The following JOSD2 variants were observed in gnomAD, a reference collection of about 807,000 sequenced individuals.
The protein encoded by JOSD2 is Josephin domain containing 2, also known as josephin-2.
Under a neutral mutation model 19.3 loss-of-function variants are expected in JOSD2, and 20 were observed. The observed-to-expected ratio is 1.04, with a 90% CI of 0.73 to 1.51. The LOEUF (loss-of-function observed/expected upper bound fraction) is 1.51. Among genes scored for constraint, JOSD2 ranks in the 40% most tolerant of loss-of-function variants. The pLI, the probability that JOSD2 is intolerant of heterozygous loss-of-function variation, is 0.00. For missense variants in JOSD2, 215 were observed against 250.4 expected (o/e 0.86, Z 0.95); for synonymous variants, 118 against 123.7 (o/e 0.95, Z 0.31).
chr19:50,507,508 C>T, intron 3 of JOSD2, 66 bp downstream of exon 3: 1 of 1,514,458 alleles, frequency 6.6e-7, no homozygotes, highest in Non-Finnish European at 8.8e-7. Context: ...TGCCCCCCAA[C>T]AGGCTCACAC....
intron 3 of JOSD2, among the ~76,000 whole-genome samples, 160 bp downstream of exon 3, chr19:50,507,414 C>T (rs1020932709): frequency 3.3e-5 from 5 of 151,986 alleles, no homozygotes; most frequent in African/African-American, 9.7e-5. Flanking sequence ...CTCAGCCCAT[C>T]GACCACCTGA....
rs1979680673 is a variant in JOSD2, at chr19:50,510,130, G to A, written c.146+156C>T. On this transcript the variant is annotated intron_variant, in intron 2 of 4. Transcript: ENST00000598418. ...GCCACAGGGACAGACAGGCACAGGAGGCAACATCTCCCCAGAGTCCCAGCG... is the reference window on the plus strand; with the variant it reads ...GCCACAGGGACAGACAGGCACAGGAAGCAACATCTCCCCAGAGTCCCAGCG... 3.9e-6 allele frequency: 3 copies of A among 771,176 alleles called. No homozygotes were observed. The East Asian group carries it at 8.2e-5, about 21-fold the overall frequency. 47.8% of individuals were successfully genotyped at this position (771,176 alleles called of 1,614,324 possible).
chr19:50,510,847 A>G (rs1159071535), intron 1 of JOSD2, among the ~76,000 whole-genome samples: 1 of 151,668 alleles, frequency 6.6e-6, no homozygotes, highest in East Asian at 1.9e-4. Context: ...AGCACCTAGC[A>G]ATAGAGAATC....
At chr19:50,510,522 G>T in intron 1 of JOSD2, 74 bp from the exon 2 acceptor site, 1 of 1,399,720 alleles carries the variant, frequency 7.1e-7, no homozygotes, top group Non-Finnish European at 9.6e-7. Context: ...AGGCCTTTGG[G>T]GCATCGCCAT....
At chr19:50,506,991 C>T (rs572702774) in intron 3 of JOSD2, among the ~76,000 whole-genome samples, 22 of 150,952 alleles carry the variant, frequency 1.5e-4, no homozygotes, top group Non-Finnish European at 3.0e-4. Context: ...CACACACTCA[C>T]CTCCCATCTA....
chr19:50,510,041 G>T, intron 2 of JOSD2: 1 of 222,210 alleles, frequency 4.5e-6, no homozygotes, highest in Non-Finnish European at 7.5e-6. Flanking sequence ...AACAGAGTGA[G>T]ACTCAGTCTC....
chr19:50,508,152 TCTCCCATGGCTCCCCAATGC>T (rs1473048705), intron 2 of JOSD2: 3 of 209,380 alleles, frequency 1.4e-5, no homozygotes, highest in African/African-American at 7.0e-5. Flanking sequence ...TGCTCTCAGC[TCTCCCATGGCTCCCCAATGC>T]CTTGGACAAA....
rs1979707976 is a variant in JOSD2, at chr19:50,510,351, G to A, written c.81C>T (p.His27=). ...GCTGCTGCAGAACGTTGTTGAGGGCGTGGACAGCACACAGCTCCAGGCGCT... is the reference window on the plus strand; with the variant it reads ...GCTGCTGCAGAACGTTGTTGAGGGCATGGACAGCACACAGCTCCAGGCGCT... ...ERQRLELCAV[H]ALNNVLQQQL... is the part of the protein sequence containing the mutation. Residue 27 remains histidine, a synonymous_variant, in exon 2 of 5, where the codon CAC becomes CAT. Coordinates refer to ENST00000598418, the MANE Select transcript of JOSD2 (RefSeq NM_001270639.2). The A allele has an allele frequency of 4.3e-6, 7 of 1,613,574 alleles. No individual in the cohort carries two copies. Among genetic ancestry groups the A allele is most frequent in the South Asian group, 1.1e-5 (1 of 91,092 alleles).
rs1204371325 is a variant in JOSD2 at position 50,506,142 on chromosome 19, C to T, written c.*31G>A. Reference sequence around the variant, plus strand: ...GCAGCCGGAGGGGGATGCGCAGGGACTGCGCTGTGGGCGCCGATGGTCAGC... The same window carrying T: ...GCAGCCGGAGGGGGATGCGCAGGGATTGCGCTGTGGGCGCCGATGGTCAGC... On this transcript the variant is annotated 3_prime_UTR_variant, in exon 5 of 5. Coordinates refer to ENST00000598418, the MANE Select transcript of JOSD2 (RefSeq NM_001270639.2). 1 of 1,603,554 alleles carries T rather than the reference C, an allele frequency of 6.2e-7. No homozygotes were observed. Among genetic ancestry groups the T allele is most frequent in the Non-Finnish European group, 8.5e-7 (1 of 1,173,048 alleles).
chr19:50,507,846 TC>T (rs1460552829), intron 2 of JOSD2, 147 bp from the exon 3 acceptor site: 5 of 992,498 alleles, frequency 5.0e-6, no homozygotes. Context: ...GTCCTGCCTC[TC>T]CTGCCCCAAT....
intron 3 of JOSD2, 75 bp from the exon 4 acceptor site, chr19:50,506,647 G>T: frequency 7.3e-7 from 1 of 1,366,654 alleles, no homozygotes; most frequent in Non-Finnish European, 9.8e-7. Flanking sequence ...AACATGTGGG[G>T]CCCAGGCTGG....
chr19:50,510,409 T>G lies in JOSD2; in HGVS notation c.23A>C (p.Gln8Pro), dbSNP rs753277063. 6.2e-7 allele frequency: 1 copy of G among 1,611,416 alleles called. No homozygotes were observed. Among genetic ancestry groups the G allele is most frequent in the South Asian group, 1.1e-5 (1 of 91,048 alleles). ...GTGGTACACGGTGGGTGGGCTCGGC[T>G]GTGCTCCCGGGGCCTGGGACATGCC... MSQAPGA[Q>P]PSPPTVYHER... Residue 8 changes from glutamine (Q) to proline (P), a missense_variant, in exon 2 of 5, where the codon CAG becomes CCG. Coordinates refer to ENST00000598418, the MANE Select transcript of JOSD2 (RefSeq NM_001270639.2).
chr19:50,508,872 G>T (rs996101268), intron 2 of JOSD2, among the ~76,000 whole-genome samples: 1 of 152,060 alleles, frequency 6.6e-6, no homozygotes, highest in African/African-American at 2.4e-5. Flanking sequence ...ATAATAATCA[G>T]TCTGAGGGGC....
intron 2 of JOSD2, among the ~76,000 whole-genome samples, chr19:50,509,462 C>T (rs1003797156): frequency 9.9e-5 from 15 of 152,010 alleles, no homozygotes; most frequent in African/African-American, 2.4e-4. Context: ...GAAGCCATGC[C>T]GGGCAGAAAG....
chr19:50,509,631 G>A (rs1601351436), intron 2 of JOSD2, among the ~76,000 whole-genome samples: 1 of 152,138 alleles, frequency 6.6e-6, no homozygotes, highest in Admixed American at 6.5e-5. Context: ...GGACTGGAGA[G>A]CTGTGACAGG....
chr19:50,510,468 G>C lies in JOSD2; in HGVS notation c.-17-20C>G, dbSNP rs1601353516. 3 of 1,580,742 alleles carry C rather than the reference G, an allele frequency of 1.9e-6. No individual in the cohort carries two copies. In the South Asian group the frequency reaches 3.4e-5, roughly 18 times the overall value. On this transcript the variant is annotated intron_variant, in intron 1 of 4. Coordinates refer to ENST00000598418, the MANE Select transcript of JOSD2 (RefSeq NM_001270639.2). ...CTCCTGCTGGGGGTTGGGAGGGGGA[G>C]AAGGTCCTCAGGGGCCCGGGATCTA...
intron 4 of JOSD2, 50 bp downstream of exon 4, chr19:50,506,328 G>C (rs1415607889): frequency 6.2e-7 from 1 of 1,607,542 alleles, no homozygotes; most frequent in Non-Finnish European, 8.5e-7. Context: ...TTCCGTCTGG[G>C]GAGTGGGGTT....
chr19:50,507,537 C>T (rs775949718), intron 3 of JOSD2, 37 bp downstream of exon 3: 10 of 1,579,514 alleles, frequency 6.3e-6, no homozygotes, highest in Middle Eastern at 3.5e-4. Context: ...GCCCTCTGTG[C>T]CCGGCCCAGC....
intron 3 of JOSD2, 104 bp from the exon 4 acceptor site, chr19:50,506,676 G>C (rs527544376): frequency 1.9e-6 from 2 of 1,052,526 alleles, no homozygotes; most frequent in South Asian, 1.7e-5. Context: ...AGGGCCTCCT[G>C]AGCCCACCCA....
Sources: allele counts gnomAD v4.1 joint callset (sites outside exome capture counted in the v4.1 genomes callset), GRCh38; gene constraint gnomAD v4.1.1; transcripts MANE v1.5; gene names NCBI Gene and HGNC (gene_info 2026-07-23, HGNC 2026-07-21).